The following PBX1 variants were observed in gnomAD, a reference collection of about 807,000 sequenced individuals.
The protein encoded by PBX1 is PBX homeobox 1.
A neutral mutation model predicts 53.4 loss-of-function variants in PBX1; 6 were observed. The observed-to-expected ratio is 0.11, with a 90% CI of 0.06 to 0.22. The LOEUF (loss-of-function observed/expected upper bound fraction) is 0.22, where lower values mean the gene tolerates loss of function less well. Ranked by LOEUF, PBX1 falls within the 10% of genes least tolerant of loss-of-function variation. The pLI is 1.00. For missense variants in PBX1, 251 were observed against 551.4 expected (o/e 0.46, Z 5.46); for synonymous variants, 204 against 212.3 (o/e 0.96, Z 0.34).
intron 2 of PBX1, among the ~76,000 whole-genome samples, chr1:164,571,333 C>T (rs1653837204): frequency 6.6e-6 from 1 of 152,104 alleles, no homozygotes; most frequent in African/African-American, 2.4e-5. Context: ...TACTTTTTAC[C>T]AATCAGTCCA....
Position 164,846,912 on chromosome 1 carries a change from G to A in PBX1, c.*236G>A. 1.5e-6 allele frequency: 2 copies of A among 1,368,024 alleles called. No homozygotes were observed. Among genetic ancestry groups the A allele is most frequent in the South Asian group, 3.8e-5 (2 of 53,092 alleles). 84.7% of individuals were successfully genotyped at this position (1,368,024 alleles called of 1,614,324 possible). On this transcript the variant is annotated 3_prime_UTR_variant, in exon 9 of 9. Coordinates refer to ENST00000420696, the MANE Select transcript of PBX1 (RefSeq NM_002585.4). ...AAGCCACCCTTCCCTGCCTCCAGCT[G>A]TCAGCCTGGTTTTCGTCATCTTCCC...
chr1:164,839,991 T>C (rs530526320), intron 8 of PBX1, among the ~76,000 whole-genome samples: 5 of 151,984 alleles, frequency 3.3e-5, no homozygotes, highest in South Asian at 2.1e-4. Flanking sequence ...AAGCAGAGGA[T>C]TGGCTTCTGG....
At chr1:164,626,186 G>T in intron 2 of PBX1, 7 of 790,542 alleles carry the variant, frequency 8.9e-6, no homozygotes, top group Non-Finnish European at 1.1e-5. Flanking sequence ...AAGGATTCAT[G>T]ACATGGGCTG....
At chr1:164,860,147 C>A (rs1395873173) in intron 2 of PBX1, among the ~76,000 whole-genome samples, 5 of 152,178 alleles carry the variant, frequency 3.3e-5, no homozygotes, top group Admixed American at 2.6e-4. Flanking sequence ...CCCTCACACC[C>A]AGAAGCAGTG....
chr1:164,639,401 G>T (rs527672061), intron 2 of PBX1, among the ~76,000 whole-genome samples: 1 of 152,188 alleles, frequency 6.6e-6, no homozygotes, highest in Non-Finnish European at 1.5e-5. Flanking sequence ...GATGCTGGGT[G>T]CCTGGATGGT....
chr1:164,586,496 G>A (rs532151710), intron 2 of PBX1, among the ~76,000 whole-genome samples: 3 of 152,112 alleles, frequency 2.0e-5, no homozygotes, highest in Admixed American at 2.0e-4. Context: ...GGTAATGAGG[G>A]GGCACCTCAC....
intron 2 of PBX1, among the ~76,000 whole-genome samples, chr1:164,633,495 T>C (rs564434586): frequency 4.6e-5 from 7 of 152,344 alleles, no homozygotes; most frequent in African/African-American, 1.7e-4. Flanking sequence ...TTTCTATTAC[T>C]AGTATTTTCA....
At chr1:164,613,950 A>G (rs1290418047) in intron 2 of PBX1, among the ~76,000 whole-genome samples, 1 of 152,030 alleles carries the variant, frequency 6.6e-6, no homozygotes, top group Non-Finnish European at 1.5e-5. Context: ...ACTTTCTGGC[A>G]TGTACTTATT....
chr1:164,675,271 T>C (rs989119988), intron 2 of PBX1, among the ~76,000 whole-genome samples: 1 of 152,196 alleles, frequency 6.6e-6, no homozygotes, highest in African/African-American at 2.4e-5. Flanking sequence ...TTATTCTACC[T>C]CTGTCACCTG....
chr1:164,804,762 A>G (rs1485153756), intron 4 of PBX1, among the ~76,000 whole-genome samples: 1 of 152,246 alleles, frequency 6.6e-6, no homozygotes, highest in Non-Finnish European at 1.5e-5. Context: ...GGAAGAGTTG[A>G]GAAACTCCTA....
intron 2 of PBX1, among the ~76,000 whole-genome samples, chr1:164,732,019 A>G (rs1467251756): frequency 6.6e-6 from 1 of 152,156 alleles, no homozygotes; most frequent in Non-Finnish European, 1.5e-5. Flanking sequence ...AAGAACAGGG[A>G]CAATGTTGGG....
intron 2 of PBX1, among the ~76,000 whole-genome samples, chr1:164,764,099 C>T (rs1182523905): frequency 6.6e-6 from 1 of 152,112 alleles, no homozygotes; most frequent in East Asian, 1.9e-4. Context: ...AAAAAAGAAT[C>T]CAAATTCCCA....
downstream of PBX1, chr1:164,854,299 C>T (rs1379069715): frequency 6.6e-6 from 1 of 152,034 alleles, no homozygotes; most frequent in Admixed American, 6.6e-5. Context: ...TTTGTTCCTT[C>T]TCCACTCCCA....
At position 164,559,519 on chromosome 1, in the gene PBX1, C is replaced by G. The variant is rs1404746017; in HGVS notation, c.-304C>G. ...AAAGCCAGCTCTGATTTCTTTTCGC[C>G]AAGTGGGAAGGTGGTTTATTTTTCT... On this transcript the variant is annotated 5_prime_UTR_variant, in exon 1 of 9. Transcript: ENST00000420696. 1 of 334,158 alleles carries G rather than the reference C, an allele frequency of 3.0e-6. No homozygotes were observed. Among genetic ancestry groups the G allele is most frequent in the African/African-American group, 2.1e-5 (1 of 47,572 alleles). 20.7% of individuals were successfully genotyped at this position (334,158 alleles called of 1,614,324 possible).
At chr1:164,797,402 C>T (rs1007943118) in intron 3 of PBX1, among the ~76,000 whole-genome samples, 2 of 152,154 alleles carry the variant, frequency 1.3e-5, no homozygotes, top group Non-Finnish European at 2.9e-5. Flanking sequence ...CCTCCACTCT[C>T]CATCCTGTGG....
At position 164,648,360 on chromosome 1, in the gene PBX1, A is replaced by G. The variant is rs74117959; in HGVS notation, c.265+85049A>G. Among the ~76,000 whole-genome samples, 538 of 152,222 alleles carry G rather than the reference A, an allele frequency of 3.5e-3. 2 individuals are homozygous for G. The highest frequency in any genetic ancestry group is 0.012 in the African/African-American group (513 of 41,500). ...ATTTGGCTTGTGTAACTTATTTTTC[A>G]CATACTTCAAGGCCAGGAAACTTCA... On this transcript the variant is annotated intron_variant, in intron 2 of 8. Transcript: ENST00000420696.
At chr1:164,648,964 G>A (rs937187234) in intron 2 of PBX1, among the ~76,000 whole-genome samples, 1 of 152,100 alleles carries the variant, frequency 6.6e-6, no homozygotes, top group East Asian at 1.9e-4. Context: ...TGATACCTTT[G>A]GTATCACAGT....
At chr1:164,624,039 C>G (rs936699874) in intron 2 of PBX1, among the ~76,000 whole-genome samples, 1 of 152,096 alleles carries the variant, frequency 6.6e-6, no homozygotes, top group African/African-American at 2.4e-5. Flanking sequence ...GTACACTTAA[C>G]GTGAGGGTCA....
At chr1:164,869,102 G>A (rs1413980484) in intron 2 of PBX1, among the ~76,000 whole-genome samples, 3 of 152,128 alleles carry the variant, frequency 2.0e-5, no homozygotes, top group Non-Finnish European at 4.4e-5. Flanking sequence ...ATGATGCCAC[G>A]CTGCAATCAG....
Sources: allele counts gnomAD v4.1 joint callset (sites outside exome capture counted in the v4.1 genomes callset), GRCh38; gene constraint gnomAD v4.1.1; transcripts MANE v1.5; gene names NCBI Gene and HGNC (gene_info 2026-07-23, HGNC 2026-07-21).